Variants in ANO1 observed in about 807,000 individuals in gnomAD.
ANO1 encodes the protein anoctamin 1, also known as anoctamin-1.
In ANO1, 59 loss-of-function variants were observed where a neutral mutation model predicts 124.0. The ratio of observed to expected loss-of-function variants is 0.48; its 90% CI spans 0.39 to 0.59. ANO1 has a LOEUF of 0.59. Ranked by LOEUF, ANO1 falls within the 20% of genes least tolerant of loss-of-function variation. The probability of loss-of-function intolerance (pLI) is 0.00; values close to 1 mark genes in which losing one functional copy is unlikely to be tolerated. For missense variants in ANO1, 1,059 were observed against 1,328.0 expected (o/e 0.80, Z 3.15); for synonymous variants, 529 against 532.0 (o/e 0.99, Z 0.08).
intron 12 of ANO1, among the ~76,000 whole-genome samples, chr11:70,150,831 T>G (rs573794172): frequency 4.6e-5 from 7 of 152,274 alleles, no homozygotes; most frequent in Non-Finnish European, 1.0e-4. Flanking sequence ...AAAGATATTT[T>G]TCTTTTAAAG....
intron 1 of ANO1, among the ~76,000 whole-genome samples, chr11:70,050,287 G>C (rs1857332356): frequency 6.6e-6 from 1 of 152,108 alleles, no homozygotes; most frequent in Non-Finnish European, 1.5e-5. Flanking sequence ...TTTGAATTTC[G>C]GTGACTATTG....
At chr11:69,985,018 C>T (rs997161128), upstream of ANO1, among the ~76,000 whole-genome samples, 1 of 152,204 alleles carries the variant, frequency 6.6e-6, no homozygotes, top group Non-Finnish European at 1.5e-5. Context: ...TCCCCACGCC[C>T]GCCCTCCGTA....
rs181346250 is a variant in ANO1 at position 69,994,553 on chromosome 11, T to C, written c.58+8387T>C. ...TCTCTATAGACATCATCTATATATA[T>C]ATGATGGCAATTTTTAATTTTCACT... On this transcript the variant is annotated intron_variant, in intron 1 of 27. Transcript: ENST00000531349. Among the ~76,000 whole-genome samples the C allele has an allele frequency of 4.2e-3, 645 of 152,306 alleles. 5 individuals are homozygous for C. Among genetic ancestry groups the C allele is most frequent in the African/African-American group, 0.015 (612 of 41,564 alleles).
At chr11:70,157,911 T>C (rs2135688218) in intron 16 of ANO1, among the ~76,000 whole-genome samples, 1 of 143,310 alleles carries the variant, frequency 7.0e-6, no homozygotes, top group East Asian at 2.1e-4. Flanking sequence ...GACTGAGAAG[T>C]CGAGGCTGCA....
At chr11:70,074,549 A>G (rs1032726590), upstream of ANO1, among the ~76,000 whole-genome samples, 1 of 152,138 alleles carries the variant, frequency 6.6e-6, no homozygotes, top group Non-Finnish European at 1.5e-5. Flanking sequence ...AGCCAAGTAC[A>G]TCACCTCTCC....
intron 25 of ANO1, among the ~76,000 whole-genome samples, chr11:70,187,170 AG>A (rs1445594613): frequency 6.6e-6 from 1 of 151,972 alleles, no homozygotes; most frequent in Non-Finnish European, 1.5e-5. Context: ...ACACCAATCC[AG>A]GGGGCACCAG....
chr11:70,170,838 AT>A (rs3842255), intron 21 of ANO1, 48 bp from the exon 22 acceptor site: 565,617 of 1,587,838 alleles, frequency 0.36, 105,787 homozygotes, highest in East Asian at 0.52. Context: ...GTCCCCCCTT[AT>A]GGGCTGTGGC....
At chr11:70,042,537 GAT>G (rs1857200319) in intron 1 of ANO1, among the ~76,000 whole-genome samples, 1 of 150,724 alleles carries the variant, frequency 6.6e-6, no homozygotes, top group Admixed American at 6.6e-5. Flanking sequence ...GAGAGAGAGA[GAT>G]TGAGAGATTG....
chr11:70,163,879 A>C (rs1268681290), intron 19 of ANO1, among the ~76,000 whole-genome samples: 1 of 151,812 alleles, frequency 6.6e-6, no homozygotes, highest in Non-Finnish European at 1.5e-5. Context: ...TGGAGGTTGC[A>C]GTGAGCTGAG....
chr11:70,039,792 A>G (rs1261723968), intron 1 of ANO1, among the ~76,000 whole-genome samples: 10 of 152,204 alleles, frequency 6.6e-5, no homozygotes, highest in Non-Finnish European at 1.5e-4. Context: ...ACAATGCAGA[A>G]AGGATATTCA....
Position 70,088,057 on chromosome 11 carries a change from G to A in ANO1, c.414G>A (p.Ala138=), listed in dbSNP as rs377496693. 3.1e-5 allele frequency: 44 copies of A among 1,426,196 alleles called. No individual in the cohort carries two copies. Among genetic ancestry groups the A allele is most frequent in the African/African-American group, 5.9e-5 (4 of 68,226 alleles). The allele number at this position is 1,426,196 out of a possible 1,614,324, so 88.3% of individuals were successfully genotyped here. A position where few individuals can be genotyped will look rare whatever the true frequency, so the allele number is the denominator to read the frequency against. Residue 138 remains alanine (A), a synonymous_variant, in exon 2 of 26, where the codon GCG becomes GCA. Transcript: ENST00000355303. The stretch of plus-strand genomic sequence containing the variant: ...AGTACGAGGGCAACCTCCTGGAGGC[G>A]GGCCTGGAGCTGGAGCGGGACGAGG... ...REEYEGNLLE[A]GLELERDEDT...
At chr11:70,110,474 C>G (rs1321794268) in intron 6 of ANO1, among the ~76,000 whole-genome samples, 1 of 152,178 alleles carries the variant, frequency 6.6e-6, no homozygotes, top group Non-Finnish European at 1.5e-5. Context: ...GCGTGAGCCA[C>G]TGTGCCGGGC....
chr11:70,035,515 T>C (rs1284062691), intron 1 of ANO1, among the ~76,000 whole-genome samples: 2 of 123,822 alleles, frequency 1.6e-5, no homozygotes, highest in Non-Finnish European at 3.5e-5. Context: ...CCCAGTAAGC[T>C]GTTGCTATAT....
intron 9 of ANO1, 60 bp from the exon 10 acceptor site, chr11:70,126,001 T>C (rs2046496552): frequency 1.3e-6 from 2 of 1,526,710 alleles, no homozygotes; most frequent in South Asian, 1.3e-5. Context: ...GCCTGTGACA[T>C]GTTTCCCTGC....
chr11:70,169,471 A>T (rs916394432), intron 21 of ANO1, among the ~76,000 whole-genome samples: 1 of 13,950 alleles, frequency 7.2e-5, no homozygotes, highest in Non-Finnish European at 1.4e-4. Context: ...CCTCCCTCCC[A>T]GGCCCCAGCC....
At chr11:70,151,374 C>T (rs749783281) in intron 12 of ANO1, among the ~76,000 whole-genome samples, 1 of 152,096 alleles carries the variant, frequency 6.6e-6, no homozygotes, top group Non-Finnish European at 1.5e-5. Context: ...CAGGGCAGAG[C>T]GGGGGCAGAG....
the ANO1 span, among the ~76,000 whole-genome samples, chr11:69,972,352 C>T: frequency 1.3e-5 from 2 of 151,940 alleles, no homozygotes; most frequent in African/African-American, 4.8e-5. Flanking sequence ...CCCAGTCACT[C>T]GAGGACACAC....
chr11:70,105,929 G>T, intron 5 of ANO1, 141 bp downstream of exon 5: 1 of 953,392 alleles, frequency 1.0e-6, no homozygotes. Flanking sequence ...ATAATGAAAG[G>T]GAGAGGGCAA....
intron 2 of ANO1, among the ~76,000 whole-genome samples, chr11:70,102,754 A>G (rs1403341674): frequency 6.6e-6 from 1 of 152,140 alleles, no homozygotes; most frequent in Non-Finnish European, 1.5e-5. Context: ...GCCCTTGGCT[A>G]AACCCTCCTG....
Sources: gnomAD v4.1 joint callset for allele counts (sites outside exome capture counted in the v4.1 genomes callset) on GRCh38, gnomAD v4.1.1 for gene constraint, MANE v1.5 for transcripts, NCBI Gene and HGNC (gene_info 2026-07-23, HGNC 2026-07-21) for gene names.